The following IGF1R variants were observed in gnomAD, a reference collection of about 807,000 sequenced individuals.
IGF1R encodes the protein insulin like growth factor 1 receptor, also known as insulin-like growth factor 1 receptor.
A neutral mutation model predicts 144.6 loss-of-function variants in IGF1R; 44 were observed. The observed-to-expected ratio is 0.30, with a 90% CI of 0.24 to 0.39. IGF1R has a LOEUF of 0.39. IGF1R is among the 10% of genes least tolerant of loss of function. The pLI is 1.00. For synonymous variants in IGF1R, 795 were observed against 722.8 expected (o/e 1.10, Z -1.60); for missense variants, 1,355 against 1,833.7 (o/e 0.74, Z 4.77).
intron 2 of IGF1R, among the ~76,000 whole-genome samples, chr15:98,816,515 CTG>C (rs1596327029): frequency 6.6e-6 from 1 of 152,202 alleles, no homozygotes; most frequent in South Asian, 2.1e-4. Context: ...TAGGACTTGC[CTG>C]TGTTTTCTTT....
chr15:98,928,363 C>A (rs1433484135), intron 13 of IGF1R, among the ~76,000 whole-genome samples: 1 of 152,238 alleles, frequency 6.6e-6, no homozygotes, highest in Admixed American at 6.5e-5. Flanking sequence ...CCCCCCAATT[C>A]TCCAAGACAT....
In IGF1R at chr15:98,963,960, A is replaced by G; in HGVS notation, c.*6518A>G. The G allele has an allele frequency of 4.3e-6, 1 of 233,390 alleles. No homozygotes were observed. Among genetic ancestry groups the G allele is most frequent in the East Asian group, 6.0e-5 (1 of 16,578 alleles). The allele number at this position is 233,390 out of a possible 1,614,324, so 14.5% of individuals were successfully genotyped here. On this transcript the variant is annotated 3_prime_UTR_variant, in exon 21 of 21. Coordinates refer to ENST00000650285, the MANE Select transcript of IGF1R (RefSeq NM_000875.5). Reference sequence around the variant, plus strand: ...CGCTACATAGGAGAAAGATCTGGAAACTATTTGGGTTTTGTTTTCAACTTT... The same window carrying G: ...CGCTACATAGGAGAAAGATCTGGAAGCTATTTGGGTTTTGTTTTCAACTTT...
At chr15:98,695,938 G>C (rs2053585359) in intron 1 of IGF1R, among the ~76,000 whole-genome samples, 1 of 151,122 alleles carries the variant, frequency 6.6e-6, no homozygotes, top group African/African-American at 2.5e-5. Context: ...TTAATGTGTG[G>C]AGGCAGAAAC....
At chr15:98,692,395 A>G (rs1441468771) in intron 1 of IGF1R, among the ~76,000 whole-genome samples, 2 of 152,042 alleles carry the variant, frequency 1.3e-5, no homozygotes, top group Non-Finnish European at 2.9e-5. Flanking sequence ...GCTGGAATGC[A>G]GTGGTGTCAT....
At chr15:98,664,207 C>T (rs1296838982) in intron 1 of IGF1R, among the ~76,000 whole-genome samples, 1 of 152,144 alleles carries the variant, frequency 6.6e-6, no homozygotes, top group Non-Finnish European at 1.5e-5. Context: ...CCGCTTTTCT[C>T]GACTAGAAAG....
intron 2 of IGF1R, among the ~76,000 whole-genome samples, chr15:98,782,441 ACT>A (rs1345890560): frequency 3.0e-4 from 45 of 151,984 alleles, no homozygotes; most frequent in Non-Finnish European, 4.7e-4. Context: ...TTTTGAAAAT[ACT>A]CTCTCATTTA....
chr15:98,771,183 C>T (rs562152836), intron 2 of IGF1R, among the ~76,000 whole-genome samples: 1 of 152,300 alleles, frequency 6.6e-6, no homozygotes, highest in East Asian at 1.9e-4. Flanking sequence ...TTCATCCCTC[C>T]ATCCAAGCAC....
intron 2 of IGF1R, among the ~76,000 whole-genome samples, chr15:98,867,927 G>A (rs989971368): frequency 5.9e-5 from 9 of 152,138 alleles, no homozygotes; most frequent in East Asian, 5.8e-4. Context: ...CAGGCCAGGC[G>A]CAGTGGCTCG....
chr15:98,672,584 A>AG (rs963994415), intron 1 of IGF1R, among the ~76,000 whole-genome samples: 2 of 151,906 alleles, frequency 1.3e-5, no homozygotes, highest in Admixed American at 6.6e-5. Context: ...AAAAAAAAAA[A>AG]AAAAAAGTGT....
intron 2 of IGF1R, among the ~76,000 whole-genome samples, chr15:98,766,083 G>A (rs1196540032): frequency 6.6e-6 from 1 of 152,210 alleles, no homozygotes; most frequent in African/African-American, 2.4e-5. Flanking sequence ...GGGGAAGGGT[G>A]TGGATGAAGG....
At position 98,941,628 on chromosome 15, in the gene IGF1R, T is replaced by C. The variant is rs900218336; in HGVS notation, c.3458-1295T>C. ...CACTTTCACACTTCATTTTTATTCT[T>C]CTCAAGGGCTCAAGATGTTTTCCCA... On this transcript the variant is annotated intron_variant, in intron 18 of 20. Coordinates refer to ENST00000650285, the MANE Select transcript of IGF1R (RefSeq NM_000875.5). Among the ~76,000 whole-genome samples, 10 of 152,316 alleles carry C rather than the reference T, an allele frequency of 6.6e-5. No homozygotes were observed. In the East Asian group the frequency reaches 1.9e-3, roughly 29 times the overall value.
intron 18 of IGF1R, among the ~76,000 whole-genome samples, chr15:98,940,689 G>T (rs536635033): frequency 2.0e-5 from 3 of 152,350 alleles, no homozygotes; most frequent in Non-Finnish European, 4.4e-5. Context: ...ACAGGCGTGA[G>T]CCACCACACC....
At position 98,935,181 on chromosome 15, in the gene IGF1R, C is replaced by T. The variant is rs914360251; in HGVS notation, c.3186+128C>T. 8.0e-5 allele frequency: 76 copies of T among 955,352 alleles called. No individual in the cohort carries two copies. In the African/African-American group the frequency reaches 9.9e-4, roughly 12 times the overall value. The allele number at this position is 955,352 out of a possible 1,614,324, so 59.2% of individuals were successfully genotyped here. On this transcript the variant is annotated intron_variant, in intron 16 of 20. Transcript: ENST00000650285. This position sits in a 1 kb window ranked among gnomAD's most constrained non-coding sequence, Gnocchi z 4.2. ...TTGCCTTTGCCTTCTGGATAGTTAC[C>T]CCATTACCTCACTGCTACCTTCAGA...
intron 2 of IGF1R, among the ~76,000 whole-genome samples, chr15:98,840,131 G>C (rs1038131339): frequency 2.0e-5 from 3 of 152,142 alleles, no homozygotes; most frequent in Admixed American, 2.0e-4. Flanking sequence ...GTCCTTCCCG[G>C]ACATCTTTGC....
intron 10 of IGF1R, 24 bp from the exon 11 acceptor site, chr15:98,922,124 G>C: frequency 6.2e-7 from 1 of 1,613,914 alleles, no homozygotes; most frequent in Non-Finnish European, 8.5e-7. Context: ...GTACTTAAAA[G>C]CCACATTTCT....
chr15:98,924,984 A>T (rs1192027080), intron 13 of IGF1R, among the ~76,000 whole-genome samples: 1 of 140,444 alleles, frequency 7.1e-6, no homozygotes, highest in Non-Finnish European at 1.5e-5. Flanking sequence ...AACCTGGCTT[A>T]CATTCAAAGA....
At chr15:98,842,790 A>G (rs1038088657) in intron 2 of IGF1R, among the ~76,000 whole-genome samples, 5 of 152,216 alleles carry the variant, frequency 3.3e-5, no homozygotes, top group Non-Finnish European at 7.3e-5. Flanking sequence ...AAGGAGATGC[A>G]GTAGGATTTG....
intron 2 of IGF1R, among the ~76,000 whole-genome samples, chr15:98,879,565 C>T (rs551125530): frequency 4.6e-5 from 7 of 152,204 alleles, no homozygotes; most frequent in African/African-American, 1.7e-4. Context: ...CTCTTTTTTC[C>T]TGGTATCAAA....
chr15:98,743,619 A>C (rs1466223197), intron 2 of IGF1R, among the ~76,000 whole-genome samples: 1 of 152,240 alleles, frequency 6.6e-6, no homozygotes, highest in Non-Finnish European at 1.5e-5. Flanking sequence ...GAGGCGGGCC[A>C]CATGGGGCCC....
Sources: allele counts gnomAD v4.1 joint callset (sites outside exome capture counted in the v4.1 genomes callset), GRCh38; gene constraint gnomAD v4.1.1; non-coding constraint Gnocchi (gnomAD v3.1); transcripts MANE v1.5; gene names NCBI Gene and HGNC (gene_info 2026-07-23, HGNC 2026-07-21).